COL4A2: variants seen among roughly 807,000 people sequenced by gnomAD.
COL4A2 encodes collagen type IV alpha 2 chain.
Under a neutral mutation model 200.2 loss-of-function variants are expected in COL4A2, and 99 were observed. The observed-to-expected ratio is 0.49, with a 90% CI of 0.42 to 0.58. COL4A2 has a LOEUF of 0.58. COL4A2 is among the 20% of genes least tolerant of loss of function. The pLI, the probability that COL4A2 is intolerant of heterozygous loss-of-function variation, is 0.00. For synonymous variants in COL4A2, 897 were observed against 900.6 expected, an observed-to-expected ratio of 1.00 and a Z score of 0.07; for missense variants, 1,950 against 2,314.1, an observed-to-expected ratio of 0.84 and a Z score of 3.23.
At chr13:110,374,537 C>A (rs912466382) in intron 4 of COL4A2, among the ~76,000 whole-genome samples, 2 of 152,238 alleles carry the variant, frequency 1.3e-5, no homozygotes, top group Non-Finnish European at 2.9e-5. Context: ...AAATATCCAT[C>A]CTTTTCCCCA....
intron 7 of COL4A2, 57 bp from the exon 8 acceptor site, chr13:110,429,828 G>A (rs1043977516): frequency 1.3e-5 from 20 of 1,544,568 alleles, no homozygotes; most frequent in Middle Eastern, 3.4e-4. Context: ...TAGCTGCACC[G>A]AATGTTAATG....
chr13:110,438,435 G>A, intron 14 of COL4A2, 183 bp from the exon 15 acceptor site: 1 of 799,756 alleles, frequency 1.3e-6, no homozygotes, highest in Non-Finnish European at 2.2e-6. Flanking sequence ...TGACAGCCCG[G>A]GAAGGCTGGC....
At position 110,307,958 on chromosome 13, in the gene COL4A2, T is replaced by C. The variant is rs1884841657; in HGVS notation, c.44+11T>C. On this transcript the variant is annotated intron_variant, in intron 2 of 47. Transcript: ENST00000360467. The surrounding 1 kb of genome is among the most constrained non-coding windows in gnomAD (Gnocchi z 5.0). ...CCCTGCCCTACGGCGGTAAGCGACT[T>C]TCTGCCTGGTCCCCGTGGGTCACGC... 1.2e-6 allele frequency: 2 copies of C among 1,612,580 alleles called. No homozygotes were observed. Among genetic ancestry groups the C allele is most frequent in the Non-Finnish European group, 1.7e-6 (2 of 1,179,558 alleles).
intron 40 of COL4A2, among the ~76,000 whole-genome samples, chr13:110,499,910 G>A (rs189443541): frequency 3.9e-5 from 6 of 152,196 alleles, no homozygotes; most frequent in Admixed American, 2.0e-4. Context: ...CATCTGTTTC[G>A]GGTACTTTGT....
intron 3 of COL4A2, among the ~76,000 whole-genome samples, chr13:110,313,196 A>G (rs1885033181): frequency 6.6e-6 from 1 of 152,190 alleles, no homozygotes; most frequent in Non-Finnish European, 1.5e-5. Flanking sequence ...GAGTTCCTGG[A>G]TAGTCCCCTC....
In COL4A2 at chr13:110,408,243, C is replaced by T. The variant is rs564160268; in HGVS notation, c.181-16491C>T. Reference sequence around the variant, plus strand: ...GCTGGGGCCACAAGGGTCCCCAGGGCGGGGAGGGGCCCTCACAGCTGGGGA... The same window carrying T: ...GCTGGGGCCACAAGGGTCCCCAGGGTGGGGAGGGGCCCTCACAGCTGGGGA... On this transcript the variant is annotated intron_variant, in intron 4 of 47. Transcript: ENST00000360467. Among the ~76,000 whole-genome samples, 255 of 152,256 alleles carry T rather than the reference C, an allele frequency of 1.7e-3. 1 individual carries two copies. Among genetic ancestry groups the T allele is most frequent in the African/African-American group, 5.9e-3 (244 of 41,546 alleles).
chr13:110,401,017 C>G (rs1879354593), intron 4 of COL4A2, among the ~76,000 whole-genome samples: 1 of 152,198 alleles, frequency 6.6e-6, no homozygotes, highest in Non-Finnish European at 1.5e-5. Context: ...GAGAACACAC[C>G]CACGCATTTC....
intron 3 of COL4A2, among the ~76,000 whole-genome samples, chr13:110,334,925 T>C (rs1594153136): frequency 6.6e-6 from 1 of 152,144 alleles, no homozygotes; most frequent in East Asian, 1.9e-4. Flanking sequence ...TTCAGCACAG[T>C]CAGATCCACG....
rs1312159739 is a variant in COL4A2 at position 110,357,564 on chromosome 13, C to T, written c.180+12C>T. 6.4e-7 allele frequency: 1 copy of T among 1,566,960 alleles called. No homozygotes were observed. Among genetic ancestry groups the T allele is most frequent in the Admixed American group, 1.8e-5 (1 of 54,592 alleles). ...AGAAAGGTGGACGTGTAAGTCACAG[C>T]ATTGCAATAAATAATATTATCTTCC... On this transcript the variant is annotated intron_variant, in intron 4 of 47. Coordinates refer to ENST00000360467, the MANE Select transcript of COL4A2 (RefSeq NM_001846.4).
chr13:110,503,553 G>C, intron 43 of COL4A2, 72 bp downstream of exon 43: 1 of 928,354 alleles, frequency 1.1e-6, no homozygotes, highest in Non-Finnish European at 1.6e-6. Context: ...ACATCCTGGA[G>C]GTCAAACGGC....
intron 4 of COL4A2, among the ~76,000 whole-genome samples, chr13:110,397,547 T>C (rs769379673): frequency 6.6e-6 from 1 of 152,218 alleles, no homozygotes; most frequent in Non-Finnish European, 1.5e-5. Context: ...TATTTCACAA[T>C]CTTGGCAAGG....
chr13:110,308,781 T>C (rs1884887026), intron 3 of COL4A2, among the ~76,000 whole-genome samples: 1 of 152,214 alleles, frequency 6.6e-6, no homozygotes, highest in Admixed American at 6.5e-5. Context: ...TGGGTGCAGC[T>C]GGCGACTGCA....
At chr13:110,431,500 T>C (rs1880679886) in intron 10 of COL4A2, among the ~76,000 whole-genome samples, 3 of 152,238 alleles carry the variant, frequency 2.0e-5, no homozygotes, top group Admixed American at 2.0e-4. Flanking sequence ...AAAGTCATTC[T>C]TGCAAGTAGC....
chr13:110,482,745 G>T, intron 32 of COL4A2, 86 bp downstream of exon 32: 1 of 1,446,292 alleles, frequency 6.9e-7, no homozygotes, highest in Non-Finnish European at 9.4e-7. Flanking sequence ...TGCCCAGAAT[G>T]AATTTTTGAA....
At chr13:110,380,649 T>C (rs1391648998) in intron 4 of COL4A2, among the ~76,000 whole-genome samples, 3 of 151,854 alleles carry the variant, frequency 2.0e-5, no homozygotes, top group African/African-American at 7.3e-5. Context: ...ACCCACAAGC[T>C]CTATCTCACA....
At chr13:110,333,029 G>A (rs1248927342) in intron 3 of COL4A2, among the ~76,000 whole-genome samples, 1 of 152,206 alleles carries the variant, frequency 6.6e-6, no homozygotes, top group South Asian at 2.1e-4. Context: ...CTTCTGGAGA[G>A]GGCAGAGGGT....
Position 110,503,888 on chromosome 13 carries a change from C to G in COL4A2, c.4180C>G (p.Pro1394Ala). 6.2e-7 allele frequency: 1 copy of G among 1,613,742 alleles called. No homozygotes were observed. The highest frequency in any genetic ancestry group is 8.5e-7 in the Non-Finnish European group (1 of 1,179,786). Residue 1394 changes from proline to alanine, a missense_variant, in exon 44 of 48, where the codon CCC becomes GCC. Pro to Ala is a conservative substitution (Grantham distance 27). Around this residue, in one of 2 missense-constraint regions of COL4A2, gnomAD observed 1,385 missense variants for 1,720.5 expected, o/e 0.80. Coordinates refer to ENST00000360467, the MANE Select transcript of COL4A2 (RefSeq NM_001846.4). ...GGGAGCCCCCGGGATTGCAGGAATCCCCCAGAAGATTGCCGTCCAACCAGG... is the reference window on the plus strand; with the variant it reads ...GGGAGCCCCCGGGATTGCAGGAATCGCCCAGAAGATTGCCGTCCAACCAGG... The part of the protein sequence containing the change: ...TVGAPGIAGI[P>A]QKIAVQPGTV...
At chr13:110,340,604 TCTC>T (rs1416931681) in intron 3 of COL4A2, among the ~76,000 whole-genome samples, 1 of 152,142 alleles carries the variant, frequency 6.6e-6, no homozygotes, top group African/African-American at 2.4e-5. Context: ...GAAGGGTACT[TCTC>T]CTAGCCCAGG....
chr13:110,509,148 G>A (rs1172110945), intron 47 of COL4A2, among the ~76,000 whole-genome samples: 2 of 151,160 alleles, frequency 1.3e-5, no homozygotes, highest in Non-Finnish European at 2.9e-5. Flanking sequence ...TCTCACTGAG[G>A]ACAGTGGGTC....
Sources: gnomAD v4.1 joint callset for allele counts (sites outside exome capture counted in the v4.1 genomes callset) on GRCh38, gnomAD v4.1.1 for gene constraint, gnomAD v4.1.1 regional missense constraint, Gnocchi (gnomAD v3.1) non-coding constraint, MANE v1.5 for transcripts, NCBI Gene and HGNC (gene_info 2026-07-23, HGNC 2026-07-21) for gene names.